Variants in CMSS1 observed in about 807,000 individuals in gnomAD.
CMSS1 encodes the protein cms1 ribosomal small subunit homolog.
In CMSS1, 33 loss-of-function variants were observed where a neutral mutation model predicts 43.5. The observed-to-expected ratio is 0.76, with a 90% CI of 0.57 to 1.01. The LOEUF (loss-of-function observed/expected upper bound fraction) is 1.01, where lower values mean the gene tolerates loss of function less well. CMSS1 is among the 50% of genes least tolerant of loss of function. CMSS1 has a pLI of 0.00. For missense variants in CMSS1, 313 were observed against 326.4 expected, an observed-to-expected ratio of 0.96 and a Z score of 0.32; for synonymous variants, 115 against 117.2, an observed-to-expected ratio of 0.98 and a Z score of 0.12.
chr3:100,160,094 C>T (rs973477314), intron 2 of CMSS1, among the ~76,000 whole-genome samples: 7 of 152,162 alleles, frequency 4.6e-5, no homozygotes, highest in African/African-American at 1.4e-4. Flanking sequence ...TTAATCACAT[C>T]GATTTCTGCT....
chr3:100,006,501 A>ATTTG (rs1709990426), intron 1 of CMSS1, among the ~76,000 whole-genome samples: 1 of 152,078 alleles, frequency 6.6e-6, no homozygotes, highest in Admixed American at 6.6e-5. Context: ...TCTGCCCCAA[A>ATTTG]GTCTCCTTTT....
chr3:99,832,065 C>G (rs1942687145), intron 1 of CMSS1, among the ~76,000 whole-genome samples: 1 of 152,168 alleles, frequency 6.6e-6, no homozygotes, highest in African/African-American at 2.4e-5. Context: ...CTGATACTTT[C>G]AGGCCCAGCT....
At chr3:99,948,810 C>G (rs1708093012) in intron 1 of CMSS1, among the ~76,000 whole-genome samples, 1 of 151,296 alleles carries the variant, frequency 6.6e-6, no homozygotes, top group Non-Finnish European at 1.5e-5. Flanking sequence ...AAGAAGAGAG[C>G]CTCAGAATCA....
At chr3:100,037,028 C>A (rs1257873609) in intron 1 of CMSS1, among the ~76,000 whole-genome samples, 2 of 151,954 alleles carry the variant, frequency 1.3e-5, no homozygotes, top group Non-Finnish European at 2.9e-5. Context: ...TAAAAGAAAC[C>A]AAAGAGACAT....
intron 1 of CMSS1, among the ~76,000 whole-genome samples, chr3:100,074,220 GC>G (rs898327840): frequency 1.3e-5 from 2 of 152,158 alleles, no homozygotes; most frequent in Non-Finnish European, 2.9e-5. Flanking sequence ...AAATCTGACA[GC>G]CCCCCTGGGC....
intron 1 of CMSS1, among the ~76,000 whole-genome samples, chr3:100,051,694 T>C (rs1375429908): frequency 6.6e-6 from 1 of 151,926 alleles, no homozygotes; most frequent in Non-Finnish European, 1.5e-5. Context: ...ACTCATCCTT[T>C]TTATGGCTGC....
chr3:99,846,818 A>C (rs1943385581), intron 1 of CMSS1, among the ~76,000 whole-genome samples: 1 of 152,236 alleles, frequency 6.6e-6, no homozygotes. Context: ...AATTGTATTT[A>C]AAATCAATAA....
chr3:100,022,037 T>C (rs1466354718), intron 1 of CMSS1, among the ~76,000 whole-genome samples: 1 of 151,632 alleles, frequency 6.6e-6, no homozygotes, highest in Non-Finnish European at 1.5e-5. Flanking sequence ...ACCCATTTCC[T>C]TTTTCCATAA....
At chr3:100,064,995 AAC>A (rs1290757614) in intron 1 of CMSS1, among the ~76,000 whole-genome samples, 1 of 152,226 alleles carries the variant, frequency 6.6e-6, no homozygotes, top group African/African-American at 2.4e-5. Flanking sequence ...TGTGTAACAA[AAC>A]ACTATGCTAG....
At chr3:100,004,805 G>A (rs1049514847) in intron 1 of CMSS1, among the ~76,000 whole-genome samples, 13 of 152,234 alleles carry the variant, frequency 8.5e-5, no homozygotes, top group African/African-American at 2.7e-4. Context: ...GCTAGTCTGA[G>A]ATTCTTAATG....
At chr3:100,006,126 A>T (rs1709978073) in intron 1 of CMSS1, among the ~76,000 whole-genome samples, 1 of 152,182 alleles carries the variant, frequency 6.6e-6, no homozygotes, top group Non-Finnish European at 1.5e-5. Context: ...TGTTGCAGTT[A>T]TAAAACTCTG....
At chr3:100,112,560 CA>C (rs1323548007) in intron 1 of CMSS1, among the ~76,000 whole-genome samples, 1 of 152,178 alleles carries the variant, frequency 6.6e-6, no homozygotes, top group African/African-American at 2.4e-5. Context: ...AAGACAATTA[CA>C]CATGAACTTT....
Position 99,829,072 on chromosome 3 carries a change from A to G in CMSS1, c.64+11029A>G, listed in dbSNP as rs550158132. Among the ~76,000 whole-genome samples, 17 of 152,094 alleles carry G rather than the reference A, an allele frequency of 1.1e-4. No individual in the cohort carries two copies. In the East Asian group the frequency reaches 2.5e-3, roughly 22 times the overall value. Reference sequence around the variant, plus strand: ...AGTGCAATGAGGTGGACTTAGTTAGATAAGTATGGGGAATGGGAGTTCCTT... The same window carrying G: ...AGTGCAATGAGGTGGACTTAGTTAGGTAAGTATGGGGAATGGGAGTTCCTT... On this transcript the variant is annotated intron_variant, in intron 1 of 9. Coordinates refer to ENST00000421999, the MANE Select transcript of CMSS1 (RefSeq NM_032359.4).
rs547027409 is a variant in CMSS1, at chr3:100,012,580, C to T, written c.65-134393C>T. On this transcript the variant is annotated intron_variant, in intron 1 of 9. Transcript: ENST00000421999. Reference sequence around the variant, plus strand: ...GGGAAGGCTGGGAGAGGTTCTAGTGCTTCAGGAGGATTTCAGATTCCCCCA... The same window carrying T: ...GGGAAGGCTGGGAGAGGTTCTAGTGTTTCAGGAGGATTTCAGATTCCCCCA... Among the ~76,000 whole-genome samples the T allele has an allele frequency of 3.3e-5, 5 of 152,102 alleles. No homozygotes were observed. In the South Asian group the frequency reaches 1.0e-3, roughly 32 times the overall value.
chr3:100,115,643 T>C (rs200476554), intron 1 of CMSS1, among the ~76,000 whole-genome samples: 1 of 137,664 alleles, frequency 7.3e-6, no homozygotes, highest in Admixed American at 7.5e-5. Context: ...CTCTCTCTCA[T>C]CCTCCTTTCC....
chr3:100,046,487 G>C (rs1458115488), intron 1 of CMSS1, among the ~76,000 whole-genome samples: 1 of 151,070 alleles, frequency 6.6e-6, no homozygotes, highest in Non-Finnish European at 1.5e-5. Context: ...TTTATCTCTA[G>C]AGCTTGTTGT....
chr3:100,012,238 T>C (rs751112584), intron 1 of CMSS1, among the ~76,000 whole-genome samples: 2 of 152,214 alleles, frequency 1.3e-5, no homozygotes, highest in Non-Finnish European at 2.9e-5. Context: ...TATATCTTTA[T>C]ACTAGAAAGA....
At chr3:99,833,209 C>G in intron 1 of CMSS1, 2 of 1,605,114 alleles carry the variant, frequency 1.2e-6, no homozygotes, top group Non-Finnish European at 1.7e-6. Flanking sequence ...ATTTGGAATG[C>G]CTTAAAAGTC....
At chr3:100,067,444 C>T (rs1299629800) in intron 1 of CMSS1, among the ~76,000 whole-genome samples, 3 of 152,228 alleles carry the variant, frequency 2.0e-5, no homozygotes, top group Middle Eastern at 3.4e-3. Flanking sequence ...TCCCTGGCTC[C>T]AATTATTCCC....
Sources: allele counts gnomAD v4.1 joint callset (sites outside exome capture counted in the v4.1 genomes callset), GRCh38; gene constraint gnomAD v4.1.1; transcripts MANE v1.5; gene names NCBI Gene and HGNC (gene_info 2026-07-23, HGNC 2026-07-21).